The following UBASH3B variants were observed in gnomAD, a reference collection of about 807,000 sequenced individuals.
The protein encoded by UBASH3B is ubiquitin-associated and SH3 domain-containing protein B.
A neutral mutation model predicts 83.4 loss-of-function variants in UBASH3B; 37 were observed. That is an observed-to-expected ratio of 0.44 (90% confidence interval 0.34 to 0.58). The LOEUF is 0.58. Ranked by LOEUF, UBASH3B falls within the 20% of genes least tolerant of loss-of-function variation. The pLI is 0.01. For synonymous variants in UBASH3B, 304 were observed against 318.3 expected, an observed-to-expected ratio of 0.96 and a Z score of 0.48; for missense variants, 657 against 827.2, an observed-to-expected ratio of 0.79 and a Z score of 2.52.
intron 11 of UBASH3B, among the ~76,000 whole-genome samples, chr11:122,805,829 C>A (rs1861331808): frequency 6.6e-6 from 1 of 152,176 alleles, no homozygotes; most frequent in East Asian, 1.9e-4. Flanking sequence ...AACCTCTTCA[C>A]CCCAACCACA....
intron 1 of UBASH3B, among the ~76,000 whole-genome samples, chr11:122,719,134 A>C (rs1172266833): frequency 6.6e-6 from 1 of 152,254 alleles, no homozygotes; most frequent in East Asian, 1.9e-4. Flanking sequence ...GGGTATTCTT[A>C]CACTGCCAAT....
intron 12 of UBASH3B, among the ~76,000 whole-genome samples, chr11:122,807,478 G>T (rs1288595160): frequency 6.6e-6 from 1 of 152,110 alleles, no homozygotes; most frequent in East Asian, 1.9e-4. Flanking sequence ...CATTGGAGGG[G>T]GATGGGATGA....
At chr11:122,707,637 A>G (rs1213351598) in intron 1 of UBASH3B, among the ~76,000 whole-genome samples, 2 of 152,104 alleles carry the variant, frequency 1.3e-5, no homozygotes, top group East Asian at 1.9e-4. Flanking sequence ...GTTAAAGGCT[A>G]TTGTCTCATT....
At chr11:122,760,279 A>G (rs1189991874) in intron 1 of UBASH3B, among the ~76,000 whole-genome samples, 1 of 152,200 alleles carries the variant, frequency 6.6e-6, no homozygotes, top group Non-Finnish European at 1.5e-5. Flanking sequence ...GTGAGTGTTA[A>G]AGGATAGGCA....
At chr11:122,675,961 T>C (rs1863662757) in intron 1 of UBASH3B, among the ~76,000 whole-genome samples, 1 of 152,254 alleles carries the variant, frequency 6.6e-6, no homozygotes, top group Admixed American at 6.5e-5. Flanking sequence ...TAAGCAGTAC[T>C]TCCATTTTAC....
rs1861005724 is a variant in UBASH3B, at chr11:122,789,082, CCT to C, written c.772-13_772-12del. ...ATGGTGAGGCATGGGGCTCACTCAC[CCT>C]CTCTTCCTTTTCCAGACATTACAGG... On this transcript the variant is annotated splice_polypyrimidine_tract_variant and intron_variant, in intron 5 of 13. Coordinates refer to ENST00000284273, the MANE Select transcript of UBASH3B (RefSeq NM_032873.5). 2 of 1,605,074 alleles carry C rather than the reference CCT, an allele frequency of 1.2e-6. No individual in the cohort carries two copies. Among genetic ancestry groups the C allele is most frequent in the South Asian group, 1.1e-5 (1 of 90,750 alleles).
At chr11:122,794,866 C>G (rs188580083) in intron 7 of UBASH3B, 32 bp downstream of exon 7, 1 of 1,611,628 alleles carries the variant, frequency 6.2e-7, no homozygotes. Context: ...ACACCCCCAA[C>G]TCTAACCAGG....
Position 122,751,343 on chromosome 11 carries a change from C to A in UBASH3B, c.162-24876C>A, listed in dbSNP as rs150328904. Among the ~76,000 whole-genome samples, 664 of 152,310 alleles carry A rather than the reference C, an allele frequency of 4.4e-3. 8 individuals are homozygous for A. Among genetic ancestry groups the A allele is most frequent in the African/African-American group, 0.016 (652 of 41,560 alleles). On this transcript the variant is annotated intron_variant, in intron 1 of 13. Coordinates refer to ENST00000284273, the MANE Select transcript of UBASH3B (RefSeq NM_032873.5). Reference sequence around the variant, plus strand: ...GCTCCTTGGGAGAATGCGGTCCACGCCCCAGGAGCTAAGAAGCAGTGAGGT... The same window carrying A: ...GCTCCTTGGGAGAATGCGGTCCACGACCCAGGAGCTAAGAAGCAGTGAGGT...
intron 1 of UBASH3B, among the ~76,000 whole-genome samples, chr11:122,754,876 G>A (rs1039420629): frequency 2.0e-5 from 3 of 152,130 alleles, no homozygotes; most frequent in Admixed American, 6.5e-5. Context: ...AGGTCATACC[G>A]CTAGTGACAG....
rs181011688 is a variant in UBASH3B at position 122,675,509 on chromosome 11, A to G, written c.161+19299A>G. 6.6e-5 allele frequency among the ~76,000 whole-genome samples: 10 copies of G among 152,334 alleles called. No individual in the cohort carries two copies. In the East Asian group the frequency reaches 1.7e-3, roughly 26 times the overall value. ...TCTTTGTTCTGTTTGGTCTGAGACCATGTGGCATCATGAAATCAATGGACT... is the reference window on the plus strand; with the variant it reads ...TCTTTGTTCTGTTTGGTCTGAGACCGTGTGGCATCATGAAATCAATGGACT... On this transcript the variant is annotated intron_variant, in intron 1 of 13. Coordinates refer to ENST00000284273, the MANE Select transcript of UBASH3B (RefSeq NM_032873.5).
chr11:122,803,787 T>C (rs1464840109), intron 11 of UBASH3B, among the ~76,000 whole-genome samples: 2 of 151,594 alleles, frequency 1.3e-5, no homozygotes, highest in African/African-American at 4.9e-5. Flanking sequence ...AGAGAGTATA[T>C]GGGGGAGGAT....
At chr11:122,661,413 A>G (rs1016933505) in intron 1 of UBASH3B, among the ~76,000 whole-genome samples, 8 of 152,202 alleles carry the variant, frequency 5.3e-5, no homozygotes, top group African/African-American at 1.9e-4. Context: ...GTTGGTTGAC[A>G]TTGGATCCTC....
intron 1 of UBASH3B, among the ~76,000 whole-genome samples, chr11:122,696,359 A>C (rs1329468805): frequency 4.2e-5 from 2 of 48,134 alleles, no homozygotes; most frequent in Non-Finnish European, 4.9e-5. Flanking sequence ...TTTTGAGATG[A>C]AGACTCGTTC....
intron 1 of UBASH3B, among the ~76,000 whole-genome samples, chr11:122,729,503 G>T (rs1860801527): frequency 6.6e-6 from 1 of 152,112 alleles, no homozygotes; most frequent in African/African-American, 2.4e-5. Flanking sequence ...ATTAAAGAAT[G>T]ATTATAAATG....
chr11:122,777,634 C>G (rs909815315), intron 3 of UBASH3B, among the ~76,000 whole-genome samples: 1 of 151,804 alleles, frequency 6.6e-6, no homozygotes, highest in Non-Finnish European at 1.5e-5. Flanking sequence ...TTTTTTTTCC[C>G]GCTATATATT....
At chr11:122,796,597 C>G (rs1380097877) in intron 8 of UBASH3B, among the ~76,000 whole-genome samples, 2 of 152,094 alleles carry the variant, frequency 1.3e-5, no homozygotes, top group Admixed American at 6.6e-5. Flanking sequence ...TCGCTCGGTT[C>G]CATTTTCATT....
chr11:122,699,268 T>A (rs1421332361), intron 1 of UBASH3B, among the ~76,000 whole-genome samples: 1 of 152,228 alleles, frequency 6.6e-6, no homozygotes, highest in Non-Finnish European at 1.5e-5. Flanking sequence ...CAACACTCAG[T>A]GTCTTACAGA....
At chr11:122,740,528 C>T (rs1233528308) in intron 1 of UBASH3B, among the ~76,000 whole-genome samples, 22 of 152,158 alleles carry the variant, frequency 1.4e-4, no homozygotes, top group East Asian at 1.9e-4. Flanking sequence ...TTGATGCACA[C>T]GGCAACCATA....
At chr11:122,784,696 G>A (rs1860917223) in intron 5 of UBASH3B, among the ~76,000 whole-genome samples, 1 of 152,186 alleles carries the variant, frequency 6.6e-6, no homozygotes. Context: ...CCCCAGGGCT[G>A]GGAGCAGGCA....
Sources: gnomAD v4.1 joint callset for allele counts (sites outside exome capture counted in the v4.1 genomes callset) on GRCh38, gnomAD v4.1.1 for gene constraint, MANE v1.5 for transcripts, NCBI Gene and HGNC (gene_info 2026-07-23, HGNC 2026-07-21) for gene names.